The following KCNB2 variants were observed in gnomAD, a reference collection of about 807,000 sequenced individuals.
KCNB2 encodes potassium voltage-gated channel subfamily B member 2.
A neutral mutation model predicts 61.5 loss-of-function variants in KCNB2; 15 were observed. The observed-to-expected ratio is 0.24, with a 90% CI of 0.16 to 0.38. KCNB2 has a LOEUF of 0.38. Ranked by LOEUF, KCNB2 falls within the 10% of genes least tolerant of loss-of-function variation. The probability of loss-of-function intolerance (pLI) is 1.00; values close to 1 mark genes in which losing one functional copy is unlikely to be tolerated. For missense variants in KCNB2, 828 were observed against 1,125.2 expected (o/e 0.74, Z 3.78); for synonymous variants, 457 against 446.0 (o/e 1.02, Z -0.31).
chr8:72,669,209 G>C (rs1161827601), intron 2 of KCNB2, among the ~76,000 whole-genome samples: 1 of 152,138 alleles, frequency 6.6e-6, no homozygotes, highest in Non-Finnish European at 1.5e-5. Flanking sequence ...TACTGGCATA[G>C]CTCAAGATCC....
intron 2 of KCNB2, among the ~76,000 whole-genome samples, chr8:72,770,665 A>G (rs1808543001): frequency 6.6e-6 from 1 of 152,146 alleles, no homozygotes; most frequent in South Asian, 2.1e-4. Flanking sequence ...CACCTATCTC[A>G]TAAAGCTGTT....
At chr8:72,562,518 A>G (rs952223851) in intron 1 of KCNB2, among the ~76,000 whole-genome samples, 10 of 152,218 alleles carry the variant, frequency 6.6e-5, no homozygotes, top group African/African-American at 2.4e-4. Flanking sequence ...GACTGATTGT[A>G]GCAAGCTTAA....
At chr8:72,845,603 G>A (rs1809975436) in intron 2 of KCNB2, among the ~76,000 whole-genome samples, 1 of 152,222 alleles carries the variant, frequency 6.6e-6, no homozygotes, top group Admixed American at 6.5e-5. Context: ...GTCCCCGACT[G>A]GGGCTGCTGC....
chr8:72,669,554 A>G (rs1177527006), intron 2 of KCNB2, among the ~76,000 whole-genome samples: 3 of 152,340 alleles, frequency 2.0e-5, no homozygotes, highest in East Asian at 3.9e-4. Context: ...CAGTTTTGAA[A>G]TTTAAAAAAA....
chr8:72,851,825 G>GTAAAAAAAAA (rs1380314669), intron 2 of KCNB2, among the ~76,000 whole-genome samples: 1 of 15,306 alleles, frequency 6.5e-5, no homozygotes, highest in Non-Finnish European at 1.4e-4. Flanking sequence ...AGAAGCTGTA[G>GTAAAAAAAAA]GAAAAAAAAA....
intron 2 of KCNB2, among the ~76,000 whole-genome samples, chr8:72,903,978 G>T (rs139872471): frequency 6.6e-6 from 1 of 152,066 alleles, no homozygotes; most frequent in African/African-American, 2.4e-5. Context: ...ACAGTCCAAA[G>T]CTGCCTTACT....
At chr8:72,817,191 T>C (rs1809414559) in intron 2 of KCNB2, among the ~76,000 whole-genome samples, 1 of 152,146 alleles carries the variant, frequency 6.6e-6, no homozygotes, top group African/African-American at 2.4e-5. Context: ...TATGACAACT[T>C]ATCAATGGTT....
At chr8:72,590,659 G>C (rs1489251254) in intron 2 of KCNB2, among the ~76,000 whole-genome samples, 1 of 152,102 alleles carries the variant, frequency 6.6e-6, no homozygotes, top group African/African-American at 2.4e-5. Flanking sequence ...TTTGCAGTTT[G>C]CAAGAGGTAA....
intron 2 of KCNB2, among the ~76,000 whole-genome samples, chr8:72,572,349 A>T (rs980137085): frequency 2.6e-5 from 4 of 152,180 alleles, no homozygotes; most frequent in African/African-American, 9.7e-5. Context: ...ATTGGATAAG[A>T]ACAGCAGGAG....
chr8:72,799,492 A>T (rs1809087534), intron 2 of KCNB2, among the ~76,000 whole-genome samples: 1 of 152,156 alleles, frequency 6.6e-6, no homozygotes, highest in Non-Finnish European at 1.5e-5. Context: ...TTTAAACAAA[A>T]ATAATTTACA....
At chr8:72,595,856 G>A (rs192833732) in intron 2 of KCNB2, among the ~76,000 whole-genome samples, 5 of 152,254 alleles carry the variant, frequency 3.3e-5, no homozygotes, top group South Asian at 2.1e-4. Context: ...AGTTTTAGTG[G>A]CACATAATCA....
intron 2 of KCNB2, among the ~76,000 whole-genome samples, chr8:72,583,159 A>G (rs1331224545): frequency 6.6e-6 from 1 of 152,162 alleles, no homozygotes; most frequent in Non-Finnish European, 1.5e-5. Flanking sequence ...AGAATGTTCA[A>G]TTCAAATATT....
intron 2 of KCNB2, among the ~76,000 whole-genome samples, chr8:72,913,614 T>C (rs532456783): frequency 3.9e-5 from 6 of 152,198 alleles, no homozygotes; most frequent in Admixed American, 2.0e-4. Context: ...ATTCCGAGGA[T>C]GGATGAGACA....
chr8:72,598,278 A>G (rs1366585596), intron 2 of KCNB2, among the ~76,000 whole-genome samples: 2 of 152,334 alleles, frequency 1.3e-5, no homozygotes, highest in East Asian at 3.9e-4. Flanking sequence ...CATCACTCAG[A>G]TGCAAGGCTG....
At chr8:72,906,746 T>C (rs900678272) in intron 2 of KCNB2, among the ~76,000 whole-genome samples, 1 of 152,202 alleles carries the variant, frequency 6.6e-6, no homozygotes, top group Non-Finnish European at 1.5e-5. Flanking sequence ...TTTTCCATTA[T>C]AAATATCACA....
chr8:72,860,401 GT>G (rs1425352114), intron 2 of KCNB2, among the ~76,000 whole-genome samples: 1 of 152,124 alleles, frequency 6.6e-6, no homozygotes, highest in African/African-American at 2.4e-5. Context: ...TCTTATTGTG[GT>G]TTTGATTTGC....
intron 2 of KCNB2, among the ~76,000 whole-genome samples, chr8:72,824,037 A>G (rs1171349922): frequency 1.3e-5 from 2 of 152,174 alleles, no homozygotes; most frequent in Non-Finnish European, 2.9e-5. Flanking sequence ...TCTATACAGT[A>G]TGAGTAATAT....
intron 2 of KCNB2, among the ~76,000 whole-genome samples, chr8:72,828,442 A>G (rs1809634826): frequency 6.6e-6 from 1 of 151,948 alleles, no homozygotes; most frequent in Non-Finnish European, 1.5e-5. Flanking sequence ...GGGTACCTGG[A>G]TTTTTTTTAA....
Position 72,567,708 on chromosome 8 carries a change from T to C in KCNB2, c.-27T>C. On this transcript the variant is annotated 5_prime_UTR_variant, in exon 2 of 3. Transcript: ENST00000523207. The stretch of plus-strand genomic sequence containing the variant: ...AGTTGACCTCATTTTTTAAGGACCC[T>C]GGCTCTGCGGCTTTGTCCAGTTCAA... The C allele has an allele frequency of 1.3e-6, 2 of 1,481,900 alleles. No homozygotes were observed. Among genetic ancestry groups the C allele is most frequent in the Non-Finnish European group, 1.8e-6 (2 of 1,105,892 alleles). 91.8% of individuals were successfully genotyped at this position (1,481,900 alleles called of 1,614,324 possible).
Sources: gnomAD v4.1 joint callset for allele counts (sites outside exome capture counted in the v4.1 genomes callset) on GRCh38, gnomAD v4.1.1 for gene constraint, MANE v1.5 for transcripts, NCBI Gene and HGNC (gene_info 2026-07-23, HGNC 2026-07-21) for gene names.